The following ME1 variants were observed in gnomAD, a reference collection of about 807,000 sequenced individuals.
The protein encoded by ME1 is malic enzyme 1.
In ME1, 74 loss-of-function variants were observed where a neutral mutation model predicts 66.4. That is an observed-to-expected ratio of 1.11 (90% CI 0.92 to 1.35). The LOEUF (loss-of-function observed/expected upper bound fraction) is 1.35, where lower values mean the gene tolerates loss of function less well. Ranked by LOEUF, ME1 falls within the 40% of genes most tolerant of loss-of-function variation. The pLI, the probability that ME1 is intolerant of heterozygous loss-of-function variation, is 0.00. For missense variants in ME1, 750 were observed against 694.1 expected (o/e 1.08, Z -0.90); for synonymous variants, 251 against 235.6 (o/e 1.07, Z -0.60).
At chr6:83,353,003 T>C (rs1396693756) in intron 3 of ME1, among the ~76,000 whole-genome samples, 2 of 152,208 alleles carry the variant, frequency 1.3e-5, no homozygotes, top group African/African-American at 2.4e-5. Context: ...CTCACTTTTA[T>C]GGTATCACAT....
intron 6 of ME1, among the ~76,000 whole-genome samples, chr6:83,307,088 C>A (rs1767838406): frequency 6.6e-6 from 1 of 151,934 alleles, no homozygotes; most frequent in Non-Finnish European, 1.5e-5. Flanking sequence ...GGATGCAAAT[C>A]AAATATCAAA....
intron 3 of ME1, among the ~76,000 whole-genome samples, chr6:83,394,958 C>T (rs899172650): frequency 7.2e-5 from 11 of 152,060 alleles, no homozygotes; most frequent in African/African-American, 2.4e-4. Context: ...AATTTTGACT[C>T]AATTTAGAAA....
At chr6:83,288,841 T>C (rs1454229576) in intron 6 of ME1, among the ~76,000 whole-genome samples, 1 of 152,166 alleles carries the variant, frequency 6.6e-6, no homozygotes, top group Non-Finnish European at 1.5e-5. Flanking sequence ...TGAGCAGTGG[T>C]TTGTAGTTCT....
At position 83,424,816 on chromosome 6, in the gene ME1, G is replaced by C. The variant is rs144344179; in HGVS notation, c.78+6061C>G. 2.1e-4 allele frequency among the ~76,000 whole-genome samples: 32 copies of C among 152,220 alleles called. No individual in the cohort carries two copies. In the East Asian group the frequency reaches 6.2e-3, roughly 29 times the overall value. On this transcript the variant is annotated intron_variant, in intron 1 of 13. Transcript: ENST00000369705. Reference sequence around the variant, plus strand: ...CTGAAGGATAGAAGTCCAAAATCAAGGTGTCTGGAGGGCTGATTTTATTCT... The same window carrying C: ...CTGAAGGATAGAAGTCCAAAATCAACGTGTCTGGAGGGCTGATTTTATTCT...
At chr6:83,283,297 C>T (rs1243221192) in intron 6 of ME1, among the ~76,000 whole-genome samples, 2 of 150,270 alleles carry the variant, frequency 1.3e-5, no homozygotes, top group African/African-American at 4.9e-5. Flanking sequence ...TGGAAACCAT[C>T]CTTCTCAGCA....
At chr6:83,317,141 T>C (rs1039146235) in intron 5 of ME1, among the ~76,000 whole-genome samples, 2 of 152,104 alleles carry the variant, frequency 1.3e-5, no homozygotes, top group African/African-American at 4.8e-5. Context: ...GTGAGCAAAA[T>C]TGAAGGAATA....
At chr6:83,244,061 T>C (rs1790569488) in intron 7 of ME1, among the ~76,000 whole-genome samples, 1 of 151,340 alleles carries the variant, frequency 6.6e-6, no homozygotes, top group African/African-American at 2.4e-5. Context: ...GATTCCATAC[T>C]AGAAACAAGC....
chr6:83,263,745 CAACAT>C (rs70987742), intron 6 of ME1, among the ~76,000 whole-genome samples: 103 of 110,804 alleles, frequency 9.3e-4, no homozygotes, highest in South Asian at 2.1e-3. Context: ...AAACAGCTGT[CAACAT>C]AACATAACAT....
At chr6:83,312,229 G>A (rs1767943621) in intron 6 of ME1, among the ~76,000 whole-genome samples, 1 of 152,160 alleles carries the variant, frequency 6.6e-6, no homozygotes, top group African/African-American at 2.4e-5. Flanking sequence ...ACTGATACCT[G>A]GAGACTTGAA....
At chr6:83,333,581 C>A (rs1039506947) in intron 5 of ME1, among the ~76,000 whole-genome samples, 4 of 152,112 alleles carry the variant, frequency 2.6e-5, no homozygotes, top group Non-Finnish European at 5.9e-5. Flanking sequence ...GGATGTTTTA[C>A]AGGTTACAAT....
At chr6:83,363,044 C>T (rs1036206925) in intron 3 of ME1, among the ~76,000 whole-genome samples, 3 of 152,110 alleles carry the variant, frequency 2.0e-5, no homozygotes, top group Non-Finnish European at 4.4e-5. Context: ...CAGAAGGCCA[C>T]GGATACTCTG....
chr6:83,408,174 G>A (rs1769983261), intron 1 of ME1, among the ~76,000 whole-genome samples: 1 of 151,884 alleles, frequency 6.6e-6, no homozygotes, highest in African/African-American at 2.4e-5. Context: ...ACTACTTAAA[G>A]ACACAAAAAT....
chr6:83,275,534 T>C (rs13214400), intron 6 of ME1, among the ~76,000 whole-genome samples: 31 of 131,218 alleles, frequency 2.4e-4, no homozygotes, highest in Middle Eastern at 4.3e-3. Flanking sequence ...GGCGCGATCT[T>C]GGCTCACTGC....
chr6:83,392,178 T>A (rs932586562), intron 3 of ME1, among the ~76,000 whole-genome samples: 3 of 151,612 alleles, frequency 2.0e-5, no homozygotes, highest in Non-Finnish European at 4.4e-5. Context: ...TGAGACACCA[T>A]GGTGAAGGTG....
At chr6:83,212,260 A>G (rs1191542354) in intron 13 of ME1, among the ~76,000 whole-genome samples, 166 bp from the exon 14 acceptor site, 7 of 152,228 alleles carry the variant, frequency 4.6e-5, no homozygotes, top group Non-Finnish European at 8.8e-5. Flanking sequence ...ATAAAATGAA[A>G]ATGCAATTAT....
rs1327869657 is a variant in ME1 at position 83,398,375 on chromosome 6, C to A, written c.354G>T (p.Arg118=). 6.4e-7 allele frequency: 1 copy of A among 1,574,098 alleles called. No homozygotes were observed. The highest frequency in any genetic ancestry group is 8.6e-7 in the Non-Finnish European group (1 of 1,165,982). ...LACQQYSLVF[R]KPRGLFITIH... is the part of the protein sequence containing the mutation. ...AATAAAAGTTGACATACCTTGGCTTCCGAAACACCAAACTATATTGTTGGC... is the reference window on the plus strand; with the variant it reads ...AATAAAAGTTGACATACCTTGGCTTACGAAACACCAAACTATATTGTTGGC... Residue 118 remains arginine (R), a synonymous_variant, in exon 3 of 14, where the codon CGG becomes CGT. Coordinates refer to ENST00000369705, the MANE Select transcript of ME1 (RefSeq NM_002395.6).
At position 83,237,731 on chromosome 6, in the gene ME1, C is replaced by T. The variant is rs7356974; in HGVS notation, c.1012G>A (p.Gly338Arg). The T allele has an allele frequency of 6.3e-7, 1 of 1,587,752 alleles. No homozygotes were observed. The highest frequency in any genetic ancestry group is 8.6e-7 in the Non-Finnish European group (1 of 1,161,772). ...IKKIWLVDSK[G>R]LIVKGRASLT... Reference sequence around the variant, plus strand: ...CAAATTCTTACCTTAACTATTAATCCTTTTGAATCAACCAGCCATATCTTT... The same window carrying T: ...CAAATTCTTACCTTAACTATTAATCTTTTTGAATCAACCAGCCATATCTTT... Residue 338 changes from glycine to arginine, a missense_variant, in exon 9 of 14, where the codon GGA becomes AGA. Gly to Arg is a moderately radical substitution (Grantham distance 125). Coordinates refer to ENST00000369705, the MANE Select transcript of ME1 (RefSeq NM_002395.6).
At chr6:83,298,042 T>C (rs1026154764) in intron 6 of ME1, among the ~76,000 whole-genome samples, 1 of 152,228 alleles carries the variant, frequency 6.6e-6, no homozygotes, top group Non-Finnish European at 1.5e-5. Context: ...TGTATCTTTA[T>C]AATAGAATGA....
intron 6 of ME1, among the ~76,000 whole-genome samples, chr6:83,293,530 C>T (rs1440832556): frequency 2.0e-5 from 3 of 152,026 alleles, no homozygotes; most frequent in Non-Finnish European, 2.9e-5. Context: ...TTTCCACAGG[C>T]AAAATTTTAT....
Sources: gnomAD v4.1 joint callset for allele counts (sites outside exome capture counted in the v4.1 genomes callset) on GRCh38, gnomAD v4.1.1 for gene constraint, MANE v1.5 for transcripts, NCBI Gene and HGNC (gene_info 2026-07-23, HGNC 2026-07-21) for gene names.